CBFA2T3: variants seen among roughly 807,000 people sequenced by gnomAD.
CBFA2T3 encodes the protein transcriptional corepressor CBFA2T3.
A neutral mutation model predicts 58.6 loss-of-function variants in CBFA2T3; 31 were observed. The observed-to-expected ratio is 0.53, with a 90% CI of 0.40 to 0.71. The LOEUF (loss-of-function observed/expected upper bound fraction) is 0.71, where lower values mean the gene tolerates loss of function less well. Among genes scored for constraint, CBFA2T3 ranks in the 30% least tolerant of loss-of-function variants. CBFA2T3 has a pLI of 0.00. For synonymous variants in CBFA2T3, 531 were observed against 421.9 expected, an observed-to-expected ratio of 1.26 and a Z score of -3.17; for missense variants, 1,076 against 963.1, an observed-to-expected ratio of 1.12 and a Z score of -1.55.
chr16:88,895,144 TC>T (rs1969834153), intron 3 of CBFA2T3, among the ~76,000 whole-genome samples: 1 of 152,048 alleles, frequency 6.6e-6, no homozygotes, highest in Admixed American at 6.5e-5. Context: ...AGGCCAGGCC[TC>T]CCTTTCTACC....
At chr16:88,924,864 C>T (rs1039587946) in intron 1 of CBFA2T3, among the ~76,000 whole-genome samples, 3 of 152,200 alleles carry the variant, frequency 2.0e-5, no homozygotes, top group Non-Finnish European at 4.4e-5. Context: ...TGATGGAGGC[C>T]GCTGCCACCG....
chr16:88,877,002 C>T lies in CBFA2T3; in HGVS notation c.1936G>A (p.Gly646Ser), dbSNP rs532600051. The T allele has an allele frequency of 1.3e-3, 1,976 of 1,467,692 alleles. 37 individuals are homozygous for T. The highest frequency in any genetic ancestry group is 1.3e-4 in the Non-Finnish European group (143 of 1,114,898). The allele number at this position is 1,467,692 out of a possible 1,614,324, so 90.9% of individuals were successfully genotyped here. Residue 646 changes from glycine (G) to serine (S), a missense_variant, in exon 12 of 12, where the codon GGC becomes AGC. Physicochemically the swap from Gly to Ser is moderately conservative, Grantham distance 56. Transcript: ENST00000268679. ...CAGCGGGGCACGGTGTCCAGTGGGC[C>T]AGGTGGGCTGGGGGAGCCGGGGCGA... is the stretch of plus-strand genomic sequence containing the variant. ...PSRPGSPSPP[G>S]PLDTVPR
intron 1 of CBFA2T3, among the ~76,000 whole-genome samples, chr16:88,927,085 A>C (rs577750946): frequency 2.0e-5 from 3 of 152,178 alleles, no homozygotes; most frequent in African/African-American, 7.2e-5. Context: ...TGGTGGGGCA[A>C]CATCATCGCT....
At chr16:88,908,357 GAAAAGA>G (rs1252549837) in intron 1 of CBFA2T3, among the ~76,000 whole-genome samples, 4 of 151,386 alleles carry the variant, frequency 2.6e-5, no homozygotes, top group Admixed American at 1.3e-4. Flanking sequence ...AAAAAAAAAG[GAAAAGA>G]AAAAGAAAAT....
At chr16:88,956,741 G>A (rs527323587) in intron 1 of CBFA2T3, among the ~76,000 whole-genome samples, 19 of 152,340 alleles carry the variant, frequency 1.2e-4, no homozygotes, top group African/African-American at 4.1e-4. Context: ...AGGCGTGGGC[G>A]GCGGGGGCTG....
chr16:88,877,436 C>T (rs1318029453), intron 11 of CBFA2T3, among the ~76,000 whole-genome samples, 161 bp from the exon 12 acceptor site: 1 of 152,212 alleles, frequency 6.6e-6, no homozygotes, highest in Non-Finnish European at 1.5e-5. Context: ...GATACAGCCA[C>T]TCACTGGGCC....
chr16:88,955,043 T>C (rs1398474308), intron 1 of CBFA2T3, among the ~76,000 whole-genome samples: 11 of 26,636 alleles, frequency 4.1e-4, no homozygotes, highest in Admixed American at 6.2e-4. Context: ...GCTCCTGACC[T>C]CAGCCAAGGC....
chr16:88,889,189 G>A lies in CBFA2T3; in HGVS notation c.711+2693C>T, dbSNP rs529438900. Among the ~76,000 whole-genome samples the A allele has an allele frequency of 1.2e-3, 187 of 151,562 alleles. 2 individuals are homozygous for A. Among genetic ancestry groups the A allele is most frequent in the African/African-American group, 4.3e-3 (176 of 41,242 alleles). ...GGGCCGCTAACGAACTGCAAACGAC[G>A]CCAGATGGGCCCAGGCTCCTGCCAC... is the stretch of plus-strand genomic sequence containing the variant. On this transcript the variant is annotated intron_variant, in intron 5 of 11. Coordinates refer to ENST00000268679, the MANE Select transcript of CBFA2T3 (RefSeq NM_005187.6).
chr16:88,905,041 G>C (rs984927917), intron 1 of CBFA2T3, among the ~76,000 whole-genome samples: 1 of 152,110 alleles, frequency 6.6e-6, no homozygotes, highest in Non-Finnish European at 1.5e-5. Context: ...GAAGATGAGG[G>C]GTGAGTGTGG....
chr16:88,971,891 A>G (rs573248726), intron 1 of CBFA2T3, among the ~76,000 whole-genome samples: 1 of 152,288 alleles, frequency 6.6e-6, no homozygotes, highest in African/African-American at 2.4e-5. Flanking sequence ...AGTGCCGGAA[A>G]ACCCCTGCCC....
chr16:88,901,522 A>C lies in CBFA2T3; in HGVS notation c.286T>G (p.Ser96Ala). 6.8e-7 allele frequency: 1 copy of C among 1,467,484 alleles called. No homozygotes were observed. The highest frequency in any genetic ancestry group is 9.0e-7 in the Non-Finnish European group (1 of 1,110,600). The allele number at this position is 1,467,484 out of a possible 1,614,324, so 90.9% of individuals were successfully genotyped here. The change falls in exon 2 of 12, where the codon TCC (serine) becomes GCC (alanine). Residue 96 changes from serine (S) to alanine (A), a missense_variant. Ser to Ala is a moderately conservative substitution (Grantham distance 99, BLOSUM62 1). Coordinates refer to ENST00000268679, the MANE Select transcript of CBFA2T3 (RefSeq NM_005187.6). ...AASQGATRPP[S>A]FTPHTHREDG... ...TACTTACGTGTGTGTGGCGTGAAGG[A>C]GGGGGGGCGTGTGGCCCCCTGGGAT...
At chr16:88,880,212 C>T (rs1231108228) in intron 10 of CBFA2T3, among the ~76,000 whole-genome samples, 2 of 152,038 alleles carry the variant, frequency 1.3e-5, no homozygotes, top group African/African-American at 2.4e-5. Flanking sequence ...CTGGAGACCC[C>T]GGTACCGCTG....
chr16:88,963,634 C>A (rs561414254), intron 1 of CBFA2T3, among the ~76,000 whole-genome samples: 1 of 152,248 alleles, frequency 6.6e-6, no homozygotes, highest in African/African-American at 2.4e-5. Flanking sequence ...AGACCGTATG[C>A]GGCCTCTTGG....
intron 1 of CBFA2T3, among the ~76,000 whole-genome samples, chr16:88,925,854 G>A (rs956093396): frequency 2.0e-5 from 3 of 152,240 alleles, no homozygotes; most frequent in Non-Finnish European, 2.9e-5. Context: ...GGACATGGGT[G>A]GCACTGCGGA....
intron 1 of CBFA2T3, among the ~76,000 whole-genome samples, chr16:88,921,946 A>C (rs1970935899): frequency 6.6e-6 from 1 of 152,152 alleles, no homozygotes; most frequent in Non-Finnish European, 1.5e-5. Context: ...GCGCATTTTG[A>C]CTCCCAGTTC....
In CBFA2T3 at chr16:88,962,798, G is replaced by A. The variant is rs529556193; in HGVS notation, c.151+13859C>T. ...GAGCAAAGCCTGCTGCTGCTTTCTC[G>A]TCTGTGCCCCGAACCCTGGAGATGA... On this transcript the variant is annotated intron_variant, in intron 1 of 11. Coordinates refer to ENST00000268679, the MANE Select transcript of CBFA2T3 (RefSeq NM_005187.6). Among the ~76,000 whole-genome samples the A allele has an allele frequency of 3.9e-5, 6 of 152,288 alleles. No homozygotes were observed. In the East Asian group the frequency reaches 9.6e-4, roughly 24 times the overall value.
chr16:88,909,689 C>A (rs114020060), intron 1 of CBFA2T3, among the ~76,000 whole-genome samples: 1,734 of 152,298 alleles, frequency 0.011, 38 homozygotes, highest in African/African-American at 0.04. Flanking sequence ...AAGAGGAGAC[C>A]CCGAGAGTCA....
intron 1 of CBFA2T3, among the ~76,000 whole-genome samples, chr16:88,965,937 C>T (rs1420011624): frequency 2.0e-5 from 3 of 152,252 alleles, no homozygotes; most frequent in African/African-American, 7.2e-5. Context: ...GTCCTCTCCA[C>T]TGTGCCCGGT....
chr16:88,963,127 G>T (rs1006366841), intron 1 of CBFA2T3, among the ~76,000 whole-genome samples: 5 of 152,138 alleles, frequency 3.3e-5, no homozygotes, highest in African/African-American at 1.2e-4. Flanking sequence ...AAATCTGGAG[G>T]GGGAGCTGGA....
Sources: gnomAD v4.1 joint callset for allele counts (sites outside exome capture counted in the v4.1 genomes callset) on GRCh38, gnomAD v4.1.1 for gene constraint, MANE v1.5 for transcripts, NCBI Gene and HGNC (gene_info 2026-07-23, HGNC 2026-07-21) for gene names.